The following CC2D2B variants were observed in gnomAD, a reference collection of about 807,000 sequenced individuals.
The protein encoded by CC2D2B is protein CC2D2B.
Under a neutral mutation model 161.2 loss-of-function variants are expected in CC2D2B, and 128 were observed. The observed-to-expected ratio is 0.79, with a 90% CI of 0.69 to 0.92. The LOEUF (loss-of-function observed/expected upper bound fraction) is 0.92. Ranked by LOEUF, CC2D2B falls within the 40% of genes least tolerant of loss-of-function variation. CC2D2B has a pLI of 0.00. For synonymous variants in CC2D2B, 391 were observed against 449.8 expected, an observed-to-expected ratio of 0.87 and a Z score of 1.65; for missense variants, 1,173 against 1,375.1, an observed-to-expected ratio of 0.85 and a Z score of 2.32.
chr10:96,016,879 G>A (rs554719226), intron 30 of CC2D2B, among the ~76,000 whole-genome samples: 18 of 152,040 alleles, frequency 1.2e-4, no homozygotes, highest in African/African-American at 1.9e-4. Context: ...CACCACGCCC[G>A]GCTAATTTTT....
At chr10:95,908,373 G>A (rs1342419668) in intron 1 of CC2D2B, among the ~76,000 whole-genome samples, 5 of 152,240 alleles carry the variant, frequency 3.3e-5, no homozygotes, top group African/African-American at 9.6e-5. Flanking sequence ...ATTAGGATAA[G>A]CAGGAAGATG....
chr10:95,976,458 A>C (rs1275493021), intron 17 of CC2D2B, among the ~76,000 whole-genome samples: 1 of 152,236 alleles, frequency 6.6e-6, no homozygotes, highest in Non-Finnish European at 1.5e-5. Flanking sequence ...AAATTGCAAA[A>C]GAGGTTTTCA....
intron 6 of CC2D2B, among the ~76,000 whole-genome samples, chr10:95,934,209 G>T (rs183405818): frequency 6.1e-4 from 93 of 152,294 alleles, no homozygotes; most frequent in Admixed American, 2.0e-3. Flanking sequence ...CCAAGCCTCA[G>T]TAATGGCGGA....
At chr10:95,974,602 A>G (rs576661920) in intron 17 of CC2D2B, among the ~76,000 whole-genome samples, 2 of 152,322 alleles carry the variant, frequency 1.3e-5, no homozygotes, top group African/African-American at 4.8e-5. Flanking sequence ...AAATGATGAT[A>G]ATGCTGGCTT....
chr10:96,010,862 C>T (rs1158918231), intron 26 of CC2D2B, among the ~76,000 whole-genome samples: 1 of 152,120 alleles, frequency 6.6e-6, no homozygotes, highest in Non-Finnish European at 1.5e-5. Context: ...TTCTTCCTGC[C>T]TATGTGTCCT....
At chr10:95,934,437 G>GAAAAA (rs551651883) in intron 6 of CC2D2B, among the ~76,000 whole-genome samples, 1 of 143,894 alleles carries the variant, frequency 6.9e-6, no homozygotes. Flanking sequence ...ACTGGGGTAT[G>GAAAAA]AAAAAAAAAA....
intron 17 of CC2D2B, among the ~76,000 whole-genome samples, chr10:95,981,710 C>G (rs1445647790): frequency 6.6e-6 from 1 of 152,076 alleles, no homozygotes; most frequent in Non-Finnish European, 1.5e-5. Context: ...ATATCGATGG[C>G]AAAGATGAAT....
At chr10:96,012,888 T>A (rs1418881966) in intron 28 of CC2D2B, among the ~76,000 whole-genome samples, 159 bp downstream of exon 28, 2 of 152,186 alleles carry the variant, frequency 1.3e-5, no homozygotes, top group Non-Finnish European at 2.9e-5. Flanking sequence ...CTGGACTCTT[T>A]AAGCTAAAAT....
intron 6 of CC2D2B, among the ~76,000 whole-genome samples, chr10:95,932,202 C>A (rs2075628880): frequency 6.6e-6 from 1 of 152,086 alleles, no homozygotes; most frequent in Non-Finnish European, 1.5e-5. Context: ...GGATGGCAAC[C>A]CCTGCTTTTT....
chr10:96,006,733 A>C (rs1362933281), intron 25 of CC2D2B, among the ~76,000 whole-genome samples: 2 of 152,108 alleles, frequency 1.3e-5, no homozygotes, highest in Non-Finnish European at 2.9e-5. Context: ...CAGATATCTG[A>C]GTTTTATTTA....
intron 23 of CC2D2B, among the ~76,000 whole-genome samples, chr10:95,995,816 A>C (rs1324397663): frequency 6.6e-6 from 1 of 152,214 alleles, no homozygotes; most frequent in Non-Finnish European, 1.5e-5. Context: ...CCAAAAGTTA[A>C]TCATTCCTTT....
intron 15 of CC2D2B, among the ~76,000 whole-genome samples, chr10:95,971,618 C>CT (rs1400502313): frequency 1.3e-5 from 2 of 152,102 alleles, no homozygotes; most frequent in Non-Finnish European, 2.9e-5. Context: ...CAATCACTAC[C>CT]TTTTTCCTAA....
chr10:95,940,561 CT>C (rs1220416579), intron 9 of CC2D2B, among the ~76,000 whole-genome samples: 2 of 152,208 alleles, frequency 1.3e-5, no homozygotes, highest in East Asian at 3.9e-4. Flanking sequence ...CTGGAAGGTA[CT>C]TTCTATGTAT....
At chr10:95,965,396 T>C (rs1019290593) in intron 12 of CC2D2B, among the ~76,000 whole-genome samples, 3 of 152,118 alleles carry the variant, frequency 2.0e-5, no homozygotes, top group Non-Finnish European at 4.4e-5. Context: ...ATAGTAGTAG[T>C]AGTAGCAGCA....
chr10:95,911,752 G>A (rs1010911952), intron 2 of CC2D2B, among the ~76,000 whole-genome samples: 2 of 152,124 alleles, frequency 1.3e-5, no homozygotes, highest in Non-Finnish European at 2.9e-5. Flanking sequence ...CCTTCTAGAT[G>A]GAAATGAGAA....
At chr10:95,996,449 T>A (rs1424057181) in intron 24 of CC2D2B, among the ~76,000 whole-genome samples, 197 bp downstream of exon 24, 2 of 152,186 alleles carry the variant, frequency 1.3e-5, no homozygotes, top group Non-Finnish European at 2.9e-5. Flanking sequence ...TATATAAACA[T>A]AAGTTCTAAA....
chr10:95,944,209 T>C (rs1162232124), intron 9 of CC2D2B, among the ~76,000 whole-genome samples: 1 of 152,158 alleles, frequency 6.6e-6, no homozygotes, highest in East Asian at 1.9e-4. Flanking sequence ...ACTGGCATAA[T>C]CTTAGAAAAT....
rs1295922844 is a variant in CC2D2B, at chr10:96,025,226, G to A, written c.3947+315G>A. Among the ~76,000 whole-genome samples, 3 of 117,310 alleles carry A rather than the reference G, an allele frequency of 2.6e-5. 1 individual carries two copies. The highest frequency in any genetic ancestry group is 1.0e-4 in the African/African-American group (3 of 29,478). The allele number at this position is 117,310 out of a possible 152,430, so 77.0% of individuals were successfully genotyped here. A position where few individuals can be genotyped will look rare whatever the true frequency, so the allele number is the denominator to read the frequency against. On this transcript the variant is annotated intron_variant, in intron 33 of 34. Coordinates refer to ENST00000646931, the MANE Select transcript of CC2D2B (RefSeq NM_001349008.3). The stretch of plus-strand genomic sequence containing the variant: ...ATATATATATATATATATATAGCTG[G>A]GCATGATGGCATATACCTGTAATCT...
At chr10:95,910,862 A>G (rs571018642) in intron 1 of CC2D2B, among the ~76,000 whole-genome samples, 1 of 152,164 alleles carries the variant, frequency 6.6e-6, no homozygotes, top group East Asian at 1.9e-4. Flanking sequence ...ATTCCTTAGT[A>G]TCTTGAAGTT....
Sources: gnomAD v4.1 joint callset for allele counts (sites outside exome capture counted in the v4.1 genomes callset) on GRCh38, gnomAD v4.1.1 for gene constraint, MANE v1.5 for transcripts, NCBI Gene and HGNC (gene_info 2026-07-23, HGNC 2026-07-21) for gene names.